The following RAP1GAP variants were observed in gnomAD, a reference collection of about 807,000 sequenced individuals.
RAP1GAP encodes rap1 GTPase-activating protein 1.
Under a neutral mutation model 87.2 loss-of-function variants are expected in RAP1GAP, and 35 were observed. That is an observed-to-expected ratio of 0.40 (90% CI 0.31 to 0.53). The LOEUF (loss-of-function observed/expected upper bound fraction) is 0.53. Ranked by LOEUF, RAP1GAP falls within the 20% of genes least tolerant of loss-of-function variation. The pLI, the probability that RAP1GAP is intolerant of heterozygous loss-of-function variation, is 0.48. For synonymous variants in RAP1GAP, 375 were observed against 363.9 expected (o/e 1.03, Z -0.35); for missense variants, 734 against 898.9 (o/e 0.82, Z 2.35).
intron 2 of RAP1GAP, among the ~76,000 whole-genome samples, chr1:21,627,368 G>T (rs1421686785): frequency 1.3e-5 from 2 of 151,204 alleles, no homozygotes; most frequent in African/African-American, 4.8e-5. Flanking sequence ...AAAAAGTCTG[G>T]CCCAGGAAGA....
At chr1:21,651,790 C>A in intron 1 of RAP1GAP, 1 of 1,399,168 alleles carries the variant, frequency 7.1e-7, no homozygotes, top group Non-Finnish European at 9.3e-7. Flanking sequence ...CGCCGTAGGC[C>A]CCGAAGGTGA....
At chr1:21,662,910 A>G (rs1407291256) in intron 1 of RAP1GAP, among the ~76,000 whole-genome samples, 1 of 152,206 alleles carries the variant, frequency 6.6e-6, no homozygotes, top group African/African-American at 2.4e-5. Flanking sequence ...CATAGGGCCC[A>G]GCACACTGCA....
chr1:21,626,951 C>A, intron 2 of RAP1GAP: 1 of 456,742 alleles, frequency 2.2e-6, no homozygotes, highest in Non-Finnish European at 4.4e-6. Flanking sequence ...ACAGACAGGA[C>A]CCAGCTGTGC....
In RAP1GAP at chr1:21,625,458, C is replaced by A. The variant is rs1049244810; in HGVS notation, c.-19+846G>T. ...GCTTGTCACCCCTGCATCAGAGAGGCCCTAACACCAGGCCCTCTGGTCAGA... is the reference window on the plus strand; with the variant it reads ...GCTTGTCACCCCTGCATCAGAGAGGACCTAACACCAGGCCCTCTGGTCAGA... On this transcript the variant is annotated intron_variant, in intron 3 of 24. Transcript: ENST00000374765. Among the ~76,000 whole-genome samples the A allele has an allele frequency of 2.0e-5, 3 of 152,198 alleles. No individual in the cohort carries two copies. The East Asian group carries it at 5.8e-4, about 29-fold the overall frequency.
intron 2 of RAP1GAP, among the ~76,000 whole-genome samples, chr1:21,639,104 G>A (rs2095255334): frequency 6.6e-6 from 1 of 152,254 alleles, no homozygotes; most frequent in African/African-American, 2.4e-5. Flanking sequence ...AGCCGGGTTA[G>A]CATGTGTGGG....
intron 2 of RAP1GAP, among the ~76,000 whole-genome samples, chr1:21,644,040 G>A (rs2151579647): frequency 6.6e-6 from 1 of 152,342 alleles, no homozygotes. Flanking sequence ...GCAGAGTTGT[G>A]CACAAGTGAG....
Position 21,603,943 on chromosome 1 carries a change from G to C in RAP1GAP, c.1429-1030C>G, listed in dbSNP as rs542323257. On this transcript the variant is annotated intron_variant, in intron 18 of 24. Transcript: ENST00000374765. The surrounding 1 kb of genome is among the most constrained non-coding windows in gnomAD (Gnocchi z 6.0). ...AAGCAGCAGAGGGCGGGGGCAGAGA[G>C]AGAGAGACAGAGAGAGAGTCAGAGA... The C allele has an allele frequency of 2.1e-6, 3 of 1,427,022 alleles. No homozygotes were observed. Among genetic ancestry groups the C allele is most frequent in the South Asian group, 1.4e-5 (1 of 73,638 alleles). The allele number at this position is 1,427,022 out of a possible 1,614,324, so 88.4% of individuals were successfully genotyped here. A position where few individuals can be genotyped will look rare whatever the true frequency, so the allele number is the denominator to read the frequency against.
intron 1 of RAP1GAP, among the ~76,000 whole-genome samples, chr1:21,655,744 AAG>A (rs1477827361): frequency 6.6e-6 from 1 of 152,118 alleles, no homozygotes; most frequent in Non-Finnish European, 1.5e-5. Context: ...ACTGTAGAGG[AAG>A]AGAGAAGAGC....
chr1:21,666,621 G>A (rs2097358127), intron 1 of RAP1GAP, among the ~76,000 whole-genome samples: 1 of 152,152 alleles, frequency 6.6e-6, no homozygotes, highest in Non-Finnish European at 1.5e-5. Flanking sequence ...AGGAAGGGGA[G>A]GCTTTGCTGG....
rs2077093339 is a variant in RAP1GAP, at chr1:21,609,799, G to GC, written c.1000-154dup. On this transcript the variant is annotated intron_variant, in intron 14 of 24. Transcript: ENST00000374765. The surrounding 1 kb of genome is among the most constrained non-coding windows in gnomAD (Gnocchi z 4.4). ...ATGAATCTTTCTTCCAGAGATTTCT[G>GC]CCCTCTATCTTTTGCCCTGAATTTT... Among the ~76,000 whole-genome samples the GC allele has an allele frequency of 3.9e-5, 6 of 152,314 alleles. No individual in the cohort carries two copies. The highest frequency in any genetic ancestry group is 3.9e-4 in the Admixed American group (6 of 15,304).
At chr1:21,600,323 G>T (rs767347589) in intron 20 of RAP1GAP, among the ~76,000 whole-genome samples, 4 of 152,234 alleles carry the variant, frequency 2.6e-5, no homozygotes, top group East Asian at 1.9e-4. Context: ...TGCATACTGC[G>T]TCTCCCTGGT....
chr1:21,661,993 G>A (rs2097170141), intron 1 of RAP1GAP, among the ~76,000 whole-genome samples: 1 of 152,236 alleles, frequency 6.6e-6, no homozygotes, highest in Non-Finnish European at 1.5e-5. Context: ...TGAAGGGCGT[G>A]GTGTTCCCGT....
At chr1:21,598,313 A>T in intron 22 of RAP1GAP, 87 bp downstream of exon 22, 1 of 1,232,194 alleles carries the variant, frequency 8.1e-7, no homozygotes, top group Non-Finnish European at 1.2e-6. Flanking sequence ...CATCCACTGC[A>T]TGGGGCATGG....
intron 1 of RAP1GAP, among the ~76,000 whole-genome samples, chr1:21,659,358 G>A (rs1157764695): frequency 6.6e-6 from 1 of 152,104 alleles, no homozygotes; most frequent in Non-Finnish European, 1.5e-5. Flanking sequence ...AGAAGGGTGG[G>A]GACCCGGAGC....
chr1:21,620,670 G>A (rs1029826335), intron 3 of RAP1GAP, among the ~76,000 whole-genome samples: 3 of 152,146 alleles, frequency 2.0e-5, no homozygotes, highest in South Asian at 2.1e-4. Context: ...CCTCTCCAGC[G>A]CCAACTCCCT....
chr1:21,621,596 G>A (rs781716474), intron 3 of RAP1GAP, among the ~76,000 whole-genome samples: 18 of 152,148 alleles, frequency 1.2e-4, no homozygotes, highest in Admixed American at 4.6e-4. Context: ...AGACAATTCC[G>A]CAGGCAGTTA....
Position 21,634,599 on chromosome 1 carries a change from G to A in RAP1GAP, c.-112-8202C>T, listed in dbSNP as rs867077707. Among the ~76,000 whole-genome samples the A allele has an allele frequency of 1.8e-4, 27 of 152,302 alleles. No individual in the cohort carries two copies. Among genetic ancestry groups the A allele is most frequent in the Middle Eastern group, 3.4e-3 (1 of 294 alleles). ...GGGCAGGAAGGTGGCACATGGGGCC[G>A]CCACCCTCGCCCCATGCTGGCTGCA... On this transcript the variant is annotated intron_variant, in intron 2 of 24. Transcript: ENST00000374765. The surrounding 1 kb of genome is among the most constrained non-coding windows in gnomAD (Gnocchi z 4.1).
In RAP1GAP at chr1:21,608,320, G is replaced by C. The variant is rs1035896400; in HGVS notation, c.1189C>G (p.Leu397Val). 6.2e-7 allele frequency: 1 copy of C among 1,613,782 alleles called. No homozygotes were observed. The highest frequency in any genetic ancestry group is 8.5e-7 in the Non-Finnish European group (1 of 1,179,890). Residue 397 changes from leucine (L) to valine (V), a missense_variant, in exon 17 of 25, where the codon CTC becomes GTC. By Grantham distance (32) the Leu-to-Val change is conservative. This residue lies in a region of RAP1GAP where 485 missense variants were observed against 646.2 expected (regional missense o/e 0.75). Coordinates refer to ENST00000374765, the MANE Select transcript of RAP1GAP (RefSeq NM_002885.4). Reference protein sequence around the residue: ...ERTRAALLETLYEELHIHSQS... With the variant: ...ERTRAALLETVYEELHIHSQS... ...CTGTGGATGTGTAGTTCCTCATAGA[G>C]CGTCTCCAGGAGGGCGGCCCGCGTC...
intron 19 of RAP1GAP, among the ~76,000 whole-genome samples, chr1:21,602,480 T>C (rs1367309628): frequency 6.6e-6 from 1 of 152,194 alleles, no homozygotes; most frequent in Non-Finnish European, 1.5e-5. Flanking sequence ...CCCTCCCACA[T>C]GCGCTGGGGC....
Sources: gnomAD v4.1 joint callset for allele counts (sites outside exome capture counted in the v4.1 genomes callset) on GRCh38, gnomAD v4.1.1 for gene constraint, gnomAD v4.1.1 regional missense constraint, Gnocchi (gnomAD v3.1) non-coding constraint, MANE v1.5 for transcripts, NCBI Gene and HGNC (gene_info 2026-07-23, HGNC 2026-07-21) for gene names.